EGFLAM: variants seen among roughly 807,000 people sequenced by gnomAD.
EGFLAM encodes the protein pikachurin.
A neutral mutation model predicts 113.1 loss-of-function variants in EGFLAM; 79 were observed. The observed-to-expected ratio is 0.70, with a 90% CI of 0.58 to 0.84. EGFLAM has a LOEUF of 0.84. Among genes scored for constraint, EGFLAM ranks in the 40% least tolerant of loss-of-function variants. EGFLAM has a pLI of 0.00. For missense variants in EGFLAM, 1,265 were observed against 1,291.6 expected (o/e 0.98, Z 0.32); for synonymous variants, 504 against 487.6 (o/e 1.03, Z -0.44).
chr5:38,263,318 C>T (rs950565318), intron 1 of EGFLAM, among the ~76,000 whole-genome samples: 8 of 152,046 alleles, frequency 5.3e-5, no homozygotes, highest in Non-Finnish European at 1.0e-4. Flanking sequence ...AAAAATTAGC[C>T]GGGCTTGGTG....
chr5:38,365,501 A>G (rs1740036147), intron 5 of EGFLAM, among the ~76,000 whole-genome samples: 1 of 152,180 alleles, frequency 6.6e-6, no homozygotes, highest in Non-Finnish European at 1.5e-5. Flanking sequence ...CACCTGCTTT[A>G]TTTTTGAAAT....
chr5:38,387,538 A>G (rs1040453631), intron 6 of EGFLAM, among the ~76,000 whole-genome samples: 1 of 152,226 alleles, frequency 6.6e-6, no homozygotes, highest in African/African-American at 2.4e-5. Context: ...ATTGGAAAGC[A>G]ACCCGTGGTG....
intron 1 of EGFLAM, among the ~76,000 whole-genome samples, chr5:38,261,014 C>T (rs114400715): frequency 0.011 from 1,699 of 152,268 alleles, 28 homozygotes; most frequent in African/African-American, 0.039. Context: ...ATCGTGGCCA[C>T]GGTGCAGGCA....
intron 16 of EGFLAM, among the ~76,000 whole-genome samples, chr5:38,437,962 A>G (rs1258287052): frequency 1.3e-5 from 2 of 152,050 alleles, no homozygotes; most frequent in Non-Finnish European, 2.9e-5. Context: ...CATCTCTACT[A>G]AAAACAAAAA....
At chr5:38,401,319 A>T (rs1289937167) in intron 6 of EGFLAM, 1 of 152,176 alleles carries the variant, frequency 6.6e-6, no homozygotes, top group African/African-American at 2.4e-5. Context: ...CTATCTTTAG[A>T]TACTTGATGC....
At chr5:38,295,029 G>A (rs1325423283) in intron 1 of EGFLAM, among the ~76,000 whole-genome samples, 8 of 152,166 alleles carry the variant, frequency 5.3e-5, no homozygotes, top group African/African-American at 1.9e-4. Flanking sequence ...GTTTCTCCAT[G>A]TTGGTCAGGC....
intron 6 of EGFLAM, among the ~76,000 whole-genome samples, chr5:38,401,503 G>A (rs1741111850): frequency 6.6e-6 from 1 of 152,158 alleles, no homozygotes; most frequent in South Asian, 2.1e-4. Flanking sequence ...ATGGTGTTTA[G>A]ATCTCTTTCC....
intron 1 of EGFLAM, among the ~76,000 whole-genome samples, chr5:38,294,147 T>C (rs1364350811): frequency 6.6e-6 from 1 of 152,194 alleles, no homozygotes; most frequent in Non-Finnish European, 1.5e-5. Context: ...CAGGTTCTCA[T>C]GGGCTTGGAC....
intron 6 of EGFLAM, chr5:38,403,690 G>A: frequency 2.3e-6 from 3 of 1,321,800 alleles, no homozygotes; most frequent in Non-Finnish European, 3.0e-6. Flanking sequence ...GTTTATTTCT[G>A]GAATTTCCCA....
At chr5:38,399,085 A>AC (rs1741035944) in intron 6 of EGFLAM, among the ~76,000 whole-genome samples, 3 of 151,850 alleles carry the variant, frequency 2.0e-5, no homozygotes, top group African/African-American at 7.3e-5. Flanking sequence ...GAGCTTGCAA[A>AC]CTCCCTTCTG....
intron 17 of EGFLAM, among the ~76,000 whole-genome samples, chr5:38,445,093 T>C (rs1742664402): frequency 6.6e-6 from 1 of 152,216 alleles, no homozygotes; most frequent in African/African-American, 2.4e-5. Context: ...AGTTTGACTA[T>C]TTTTTATTCA....
chr5:38,445,374 C>A, intron 17 of EGFLAM: 1 of 790,422 alleles, frequency 1.3e-6, no homozygotes, highest in Non-Finnish European at 1.8e-6. Context: ...GGTGAGGGAG[C>A]CTCAGAAGTG....
rs79913340 is a variant in EGFLAM at position 38,351,852 on chromosome 5, G to C, written c.410-344G>C. Among the ~76,000 whole-genome samples the C allele has an allele frequency of 3.5e-3, 529 of 152,248 alleles. 17 individuals carry two copies. In the East Asian group the frequency reaches 0.071, roughly 20 times the overall value. ...GAATGCTATTAGGAGTTGAGAATGT[G>C]ACAGAAGGTTTTCCAGGGAACTTAC... On this transcript the variant is annotated intron_variant, in intron 4 of 21. Coordinates refer to ENST00000322350, the MANE Select transcript of EGFLAM (RefSeq NM_152403.4).
At chr5:38,269,868 G>A (rs552709909) in intron 1 of EGFLAM, among the ~76,000 whole-genome samples, 1 of 152,244 alleles carries the variant, frequency 6.6e-6, no homozygotes, top group African/African-American at 2.4e-5. Context: ...AGGAAGTCAG[G>A]GCTGATGACT....
intron 1 of EGFLAM, chr5:38,305,402 T>C: frequency 2.2e-6 from 1 of 451,202 alleles, no homozygotes; most frequent in South Asian, 1.6e-5. Flanking sequence ...AGACTCTTAC[T>C]ACATTTACCT....
chr5:38,325,769 C>T (rs1738863213), intron 1 of EGFLAM, among the ~76,000 whole-genome samples: 1 of 152,024 alleles, frequency 6.6e-6, no homozygotes, highest in African/African-American at 2.4e-5. Flanking sequence ...GATAAAAGTA[C>T]ATACTTCATG....
rs562558309 is a variant in EGFLAM, at chr5:38,302,367, G to A, written c.98-35153G>A. Among the ~76,000 whole-genome samples the A allele has an allele frequency of 2.6e-5, 4 of 152,182 alleles. No individual in the cohort carries two copies. The East Asian group carries it at 7.7e-4, about 29-fold the overall frequency. On this transcript the variant is annotated intron_variant, in intron 1 of 21. Coordinates refer to ENST00000322350, the MANE Select transcript of EGFLAM (RefSeq NM_152403.4). ...GTAGACGTGGGAATCAGACAAGCTT[G>A]CATTCACATTTCAGCTGGGCCATCC... is the stretch of plus-strand genomic sequence containing the variant.
At chr5:38,447,401 G>A (rs527336632) in intron 17 of EGFLAM, among the ~76,000 whole-genome samples, 1 of 152,246 alleles carries the variant, frequency 6.6e-6, no homozygotes, top group South Asian at 2.1e-4. Context: ...CATAAAATGA[G>A]AATAACCAAC....
intron 6 of EGFLAM, among the ~76,000 whole-genome samples, chr5:38,375,487 C>T (rs1345740976): frequency 2.6e-5 from 4 of 152,138 alleles, no homozygotes; most frequent in African/African-American, 9.7e-5. Flanking sequence ...CCAGTGGGAA[C>T]CTTGAGATCC....
Sources: allele counts gnomAD v4.1 joint callset (sites outside exome capture counted in the v4.1 genomes callset), GRCh38; gene constraint gnomAD v4.1.1; transcripts MANE v1.5; gene names NCBI Gene and HGNC (gene_info 2026-07-23, HGNC 2026-07-21).